SLC16A12: variants seen among roughly 807,000 people sequenced by gnomAD.
The protein encoded by SLC16A12 is monocarboxylate transporter 12.
Under a neutral mutation model 42.4 loss-of-function variants are expected in SLC16A12, and 17 were observed. The observed-to-expected ratio is 0.40, with a 90% CI of 0.27 to 0.60. The LOEUF (loss-of-function observed/expected upper bound fraction) is 0.60. Ranked by LOEUF, SLC16A12 falls within the 20% of genes least tolerant of loss-of-function variation. SLC16A12 has a pLI of 0.42. For synonymous variants in SLC16A12, 224 were observed against 229.4 expected (o/e 0.98, Z 0.21); for missense variants, 544 against 623.0 (o/e 0.87, Z 1.35).
At chr10:89,538,180 G>A (rs754415694), upstream of SLC16A12, among the ~76,000 whole-genome samples, 7 of 152,352 alleles carry the variant, frequency 4.6e-5, no homozygotes, top group African/African-American at 1.4e-4. Context: ...GACTGCTATC[G>A]CTGTGCAGAA....
chr10:89,495,617 C>T lies in SLC16A12; in HGVS notation c.-46-32993G>A, dbSNP rs144686170. ...CACTGACCATCCTAGCTTAGCCTAG[C>T]CTACTTTAAATGTGCTCGGAAATTT... On this transcript the variant is annotated intron_variant, in intron 2 of 7. Transcript: ENST00000371790. 7.3e-3 allele frequency among the ~76,000 whole-genome samples: 1,118 copies of T among 152,288 alleles called. 5 individuals are homozygous for T. Among genetic ancestry groups the T allele is most frequent in the Non-Finnish European group, 0.012 (830 of 68,016 alleles).
intron 2 of SLC16A12, among the ~76,000 whole-genome samples, chr10:89,464,989 T>C (rs1337103629): frequency 1.3e-5 from 2 of 152,004 alleles, no homozygotes; most frequent in African/African-American, 4.8e-5. Flanking sequence ...AAGAAAAAAA[T>C]AAAAGTTATT....
intron 2 of SLC16A12, among the ~76,000 whole-genome samples, chr10:89,509,397 G>C (rs1843126732): frequency 6.6e-6 from 1 of 152,168 alleles, no homozygotes; most frequent in Non-Finnish European, 1.5e-5. Flanking sequence ...TATCCGCCAT[G>C]ATTAAGTTGG....
At chr10:89,531,062 T>C (rs1317897355) in intron 2 of SLC16A12, among the ~76,000 whole-genome samples, 1 of 152,146 alleles carries the variant, frequency 6.6e-6, no homozygotes, top group Non-Finnish European at 1.5e-5. Flanking sequence ...TTCACAGAAA[T>C]ACCATTCTTT....
At chr10:89,472,877 G>A (rs1363631552) in intron 2 of SLC16A12, among the ~76,000 whole-genome samples, 1 of 151,880 alleles carries the variant, frequency 6.6e-6, no homozygotes, top group Admixed American at 6.6e-5. Context: ...GAGTGCAGTG[G>A]CGCTATCATG....
intron 1 of SLC16A12, among the ~76,000 whole-genome samples, chr10:89,556,333 C>T (rs1318270979): frequency 6.6e-6 from 1 of 152,068 alleles, no homozygotes; most frequent in Admixed American, 6.6e-5. Context: ...GGGAAGAAAA[C>T]GACTGCAATA....
chr10:89,464,309 C>T (rs1174408979), intron 2 of SLC16A12, among the ~76,000 whole-genome samples: 2 of 152,152 alleles, frequency 1.3e-5, no homozygotes, highest in Non-Finnish European at 2.9e-5. Context: ...ATACCCTTAG[C>T]CAAGGACCCA....
chr10:89,450,938 G>A (rs906314587), intron 3 of SLC16A12, among the ~76,000 whole-genome samples: 1 of 152,080 alleles, frequency 6.6e-6, no homozygotes, highest in African/African-American at 2.4e-5. Context: ...TGTATGTGCA[G>A]AGAAAGAGAA....
chr10:89,555,657 A>G (rs1347020940), intron 2 of SLC16A12, among the ~76,000 whole-genome samples: 2 of 144,104 alleles, frequency 1.4e-5, no homozygotes, highest in African/African-American at 5.1e-5. Flanking sequence ...ATATACAGAT[A>G]TGTATATATA....
At chr10:89,518,755 C>T (rs1218105338) in intron 2 of SLC16A12, among the ~76,000 whole-genome samples, 1 of 152,098 alleles carries the variant, frequency 6.6e-6, no homozygotes, top group Admixed American at 6.6e-5. Flanking sequence ...TGAGGCCCAG[C>T]CCCCAAAGAG....
At chr10:89,512,081 ACG>A (rs200737397) in intron 2 of SLC16A12, among the ~76,000 whole-genome samples, 1 of 152,328 alleles carries the variant, frequency 6.6e-6, no homozygotes, top group East Asian at 1.9e-4. Context: ...GATTCCACTT[ACG>A]TGAGGTCCTT....
At chr10:89,523,566 C>A (rs1458104699) in intron 2 of SLC16A12, among the ~76,000 whole-genome samples, 1 of 152,172 alleles carries the variant, frequency 6.6e-6, no homozygotes, top group African/African-American at 2.4e-5. Flanking sequence ...TCTTTCTTCC[C>A]TACCAACCCC....
At chr10:89,489,850 A>C (rs983374581) in intron 2 of SLC16A12, among the ~76,000 whole-genome samples, 1 of 152,352 alleles carries the variant, frequency 6.6e-6, no homozygotes, top group African/African-American at 2.4e-5. Context: ...AGGTATAAAA[A>C]TTAATGCTGA....
At chr10:89,439,936 G>T (rs1028887604) in intron 5 of SLC16A12, among the ~76,000 whole-genome samples, 4 of 151,656 alleles carry the variant, frequency 2.6e-5, no homozygotes, top group Non-Finnish European at 4.4e-5. Flanking sequence ...TTAACCAGGT[G>T]TGGTGGCATG....
chr10:89,538,248 AT>A (rs1843692977), upstream of SLC16A12, among the ~76,000 whole-genome samples: 1 of 152,222 alleles, frequency 6.6e-6, no homozygotes, highest in African/African-American at 2.4e-5. Flanking sequence ...AAGGAGCAAC[AT>A]TTCTTCCAAA....
intron 2 of SLC16A12, among the ~76,000 whole-genome samples, chr10:89,529,456 C>T (rs942435697): frequency 6.6e-6 from 1 of 151,518 alleles, no homozygotes; most frequent in Admixed American, 6.6e-5. Flanking sequence ...ATATATGAAC[C>T]ACCGAGCCAG....
intron 2 of SLC16A12, among the ~76,000 whole-genome samples, chr10:89,474,782 GCT>G (rs1842550753): frequency 6.6e-6 from 1 of 152,148 alleles, no homozygotes; most frequent in Non-Finnish European, 1.5e-5. Flanking sequence ...TGAATTCACT[GCT>G]ACATATATGT....
intron 2 of SLC16A12, among the ~76,000 whole-genome samples, chr10:89,492,897 T>G (rs1328238325): frequency 6.6e-6 from 1 of 152,054 alleles, no homozygotes; most frequent in Admixed American, 6.6e-5. Flanking sequence ...GTCTTGAACC[T>G]ATCTCCTCCT....
chr10:89,504,336 C>A (rs1843028942), intron 2 of SLC16A12, among the ~76,000 whole-genome samples: 1 of 152,162 alleles, frequency 6.6e-6, no homozygotes. Context: ...TAACTAATGC[C>A]TTTCCTTATT....
Sources: allele counts gnomAD v4.1 joint callset (sites outside exome capture counted in the v4.1 genomes callset), GRCh38; gene constraint gnomAD v4.1.1; transcripts MANE v1.5; gene names NCBI Gene and HGNC (gene_info 2026-07-23, HGNC 2026-07-21).